Variants in TENM2 observed in about 807,000 individuals in gnomAD.
The protein encoded by TENM2 is teneurin transmembrane protein 2.
A neutral mutation model predicts 245.2 loss-of-function variants in TENM2; 52 were observed. The ratio of observed to expected loss-of-function variants is 0.21; its 90% CI spans 0.17 to 0.27. The LOEUF is 0.27. Ranked by LOEUF, TENM2 falls within the 10% of genes least tolerant of loss-of-function variation. The probability of loss-of-function intolerance (pLI) is 1.00; values close to 1 mark genes in which losing one functional copy is unlikely to be tolerated. For missense variants in TENM2, 3,046 were observed against 3,666.8 expected (o/e 0.83, Z 4.37); for synonymous variants, 1,363 against 1,438.9 (o/e 0.95, Z 1.19).
chr5:167,295,084 G>A (rs1754872380), intron 1 of TENM2, among the ~76,000 whole-genome samples: 1 of 152,146 alleles, frequency 6.6e-6, no homozygotes, highest in East Asian at 1.9e-4. Flanking sequence ...AATAAACAAA[G>A]GGCTCTGCAG....
In TENM2 at chr5:167,578,418, C is replaced by A. The variant is rs925046301; in HGVS notation, c.502+202945C>A. Among the ~76,000 whole-genome samples the A allele has an allele frequency of 2.6e-5, 4 of 152,122 alleles. No homozygotes were observed. In the East Asian group the frequency reaches 7.7e-4, roughly 29 times the overall value. The stretch of plus-strand genomic sequence containing the variant: ...GAACGGAGACTGGCTACGAGAAACA[C>A]CTTCGTATTATAATTATTGCAATTT... On this transcript the variant is annotated intron_variant, in intron 2 of 28. Transcript: ENST00000518659.
At chr5:168,125,106 C>T (rs1231976553) in intron 11 of TENM2, 56 bp downstream of exon 13, 2 of 1,464,636 alleles carry the variant, frequency 1.4e-6, no homozygotes, top group East Asian at 4.9e-5. Flanking sequence ...TGTGTTCCAT[C>T]CCATTCTCAG....
chr5:167,765,726 T>C (rs912164640), intron 2 of TENM2, among the ~76,000 whole-genome samples: 22 of 152,238 alleles, frequency 1.4e-4, no homozygotes, highest in African/African-American at 5.3e-4. Context: ...TTGAGATGTG[T>C]GGTTTTTTCA....
chr5:167,173,238 T>G, the TENM2 span, among the ~76,000 whole-genome samples: 89 of 152,294 alleles, frequency 5.8e-4, no homozygotes, highest in African/African-American at 2.1e-3. Context: ...CAGAAAACAA[T>G]CGGCAAACCT....
chr5:167,523,359 G>C (rs774499104), intron 2 of TENM2, among the ~76,000 whole-genome samples: 4 of 152,172 alleles, frequency 2.6e-5, no homozygotes, highest in Non-Finnish European at 5.9e-5. Flanking sequence ...ACCATGCAGT[G>C]CTGGCTGATG....
At chr5:168,100,352 A>G (rs1050068399) in intron 9 of TENM2, among the ~76,000 whole-genome samples, 12 of 152,320 alleles carry the variant, frequency 7.9e-5, no homozygotes, top group Non-Finnish European at 1.6e-4. Flanking sequence ...AGAACCAGAA[A>G]TACCATTTGC....
At chr5:167,102,790 C>G in the TENM2 span, among the ~76,000 whole-genome samples, 1 of 152,206 alleles carries the variant, frequency 6.6e-6, no homozygotes, top group Admixed American at 6.5e-5. Flanking sequence ...TCCCGAGTAG[C>G]TGGGATTACA....
At chr5:167,536,894 G>A (rs1277565348) in intron 2 of TENM2, among the ~76,000 whole-genome samples, 1 of 151,870 alleles carries the variant, frequency 6.6e-6, no homozygotes, top group African/African-American at 2.4e-5. Flanking sequence ...AATGGTGGCG[G>A]GTGCCTGTAA....
the TENM2 span, among the ~76,000 whole-genome samples, chr5:167,028,069 CAAAAAA>C: frequency 2.2e-5 from 2 of 92,708 alleles, no homozygotes; most frequent in Non-Finnish European, 4.1e-5. Context: ...GATTCCATCT[CAAAAAA>C]AAAAAAAAAA....
chr5:167,841,907 A>G (rs187356231), intron 2 of TENM2, among the ~76,000 whole-genome samples: 21 of 152,080 alleles, frequency 1.4e-4, no homozygotes, highest in African/African-American at 4.8e-4. Flanking sequence ...TATGTTTTAT[A>G]TATGTATATT....
chr5:167,664,793 T>G (rs1755463439), intron 2 of TENM2, among the ~76,000 whole-genome samples: 1 of 152,220 alleles, frequency 6.6e-6, no homozygotes, highest in Non-Finnish European at 1.5e-5. Flanking sequence ...TGTGACATGA[T>G]GATAGTTGCC....
chr5:167,102,233 A>C, the TENM2 span, among the ~76,000 whole-genome samples: 1 of 151,924 alleles, frequency 6.6e-6, no homozygotes, highest in Non-Finnish European at 1.5e-5. Context: ...CTCAAAAAAC[A>C]AAAAAATTAA....
chr5:167,540,328 A>G (rs1479097124), intron 2 of TENM2, among the ~76,000 whole-genome samples: 2 of 152,208 alleles, frequency 1.3e-5, no homozygotes, highest in African/African-American at 4.8e-5. Flanking sequence ...TCAAAATCCA[A>G]GGACTCCAGG....
At chr5:167,499,892 ATATGTG>A (rs1361681275) in intron 2 of TENM2, among the ~76,000 whole-genome samples, 329 of 93,894 alleles carry the variant, frequency 3.5e-3, no homozygotes, top group African/African-American at 0.014. Context: ...GTGTGTGTGT[ATATGTG>A]TATGTGAGGG....
the TENM2 span, among the ~76,000 whole-genome samples, chr5:167,135,137 T>A: frequency 6.6e-6 from 1 of 152,254 alleles, no homozygotes; most frequent in East Asian, 1.9e-4. Context: ...TCAAAATTGG[T>A]TTTCTGGGGT....
intron 7 of TENM2, among the ~76,000 whole-genome samples, chr5:168,068,604 C>G (rs144956177): frequency 1.1e-4 from 16 of 151,934 alleles, no homozygotes; most frequent in African/African-American, 3.6e-4. Context: ...AGACTAAACC[C>G]ATGAGAGTGG....
At chr5:168,193,088 G>A (rs1395905221) in intron 14 of TENM2, among the ~76,000 whole-genome samples, 1 of 152,186 alleles carries the variant, frequency 6.6e-6, no homozygotes, top group East Asian at 1.9e-4. Context: ...CAGGAGACCT[G>A]AAAGAAAGTT....
intron 2 of TENM2, among the ~76,000 whole-genome samples, chr5:167,609,515 A>AAAAAAAG (rs1582533515): frequency 1.1e-4 from 10 of 87,764 alleles, no homozygotes; most frequent in East Asian, 1.0e-3. Flanking sequence ...AAAAAAAACA[A>AAAAAAAG]AACCTTACCT....
the TENM2 span, among the ~76,000 whole-genome samples, chr5:167,231,279 A>C: frequency 6.6e-6 from 1 of 152,194 alleles, no homozygotes. Context: ...AGGGTGGAAC[A>C]ATTTGGAGGA....
Sources: allele counts gnomAD v4.1 joint callset (sites outside exome capture counted in the v4.1 genomes callset), GRCh38; gene constraint gnomAD v4.1.1; transcripts MANE v1.5; gene names NCBI Gene and HGNC (gene_info 2026-07-23, HGNC 2026-07-21).